Variants in OPRM1 observed in about 807,000 individuals in gnomAD.
OPRM1 encodes mu-type opioid receptor.
In OPRM1, 27 loss-of-function variants were observed where a neutral mutation model predicts 31.8. That is an observed-to-expected ratio of 0.85 (90% CI 0.63 to 1.17). The LOEUF (loss-of-function observed/expected upper bound fraction) is 1.17, where lower values mean the gene tolerates loss of function less well. OPRM1 is among the 50% of genes most tolerant of loss of function. The probability of loss-of-function intolerance (pLI) is 0.00; values close to 1 mark genes in which losing one functional copy is unlikely to be tolerated. For missense variants in OPRM1, 536 were observed against 511.1 expected, an observed-to-expected ratio of 1.05 and a Z score of -0.47; for synonymous variants, 196 against 189.9, an observed-to-expected ratio of 1.03 and a Z score of -0.26.
At chr6:154,018,629 T>C (rs989373963) in intron 1 of OPRM1, among the ~76,000 whole-genome samples, 3 of 152,068 alleles carry the variant, frequency 2.0e-5, no homozygotes, top group Non-Finnish European at 4.4e-5. Flanking sequence ...GAGAAAACAT[T>C]TGATACTCTT....
At chr6:154,234,915 C>CCTTA (rs1255460668) in intron 3 of OPRM1, among the ~76,000 whole-genome samples, 5 of 152,184 alleles carry the variant, frequency 3.3e-5, no homozygotes, top group African/African-American at 1.2e-4. Context: ...CGTGTAAAAT[C>CCTTA]CTTAGCTTCT....
intron 3 of OPRM1, among the ~76,000 whole-genome samples, chr6:154,096,741 C>T (rs1297796531): frequency 6.6e-6 from 1 of 152,036 alleles, no homozygotes; most frequent in African/African-American, 2.4e-5. Context: ...AGACAAGCAC[C>T]CAGGGCTTCG....
rs200356721 is a variant in OPRM1 at position 154,090,971 on chromosome 6, A to G, written c.663A>G (p.Leu221=). 2.0e-5 allele frequency: 33 copies of G among 1,613,702 alleles called. No individual in the cohort carries two copies. Among genetic ancestry groups the G allele is most frequent in the Non-Finnish European group, 2.5e-5 (29 of 1,179,856 alleles). Reference sequence around the variant, plus strand: ...TTCTAGGTTCCATAGATTGTACACTAACATTCTCTCATCCAACCTGGTACT... The same window carrying G: ...TTCTAGGTTCCATAGATTGTACACTGACATTCTCTCATCCAACCTGGTACT... ...KYRQGSIDCT[L]TFSHPTWYWE... is the part of the protein sequence containing the mutation. Residue 221 remains leucine, a synonymous_variant, in exon 3 of 4, where the codon CTA becomes CTG. Coordinates refer to ENST00000330432, the MANE Select transcript of OPRM1 (RefSeq NM_000914.5).
chr6:154,179,484 A>C (rs567626519), intron 3 of OPRM1, among the ~76,000 whole-genome samples: 1 of 152,328 alleles, frequency 6.6e-6, no homozygotes, highest in African/African-American at 2.4e-5. Context: ...GACGGGAGCC[A>C]AATTAATTAT....
At chr6:154,155,456 T>A (rs1364918552) in intron 3 of OPRM1, 8 of 152,192 alleles carry the variant, frequency 5.3e-5, no homozygotes, top group Admixed American at 5.2e-4. Context: ...TGGCAGCTTT[T>A]CTGTACTTAA....
At chr6:154,019,274 C>T (rs1015612059) in intron 1 of OPRM1, among the ~76,000 whole-genome samples, 10 of 149,794 alleles carry the variant, frequency 6.7e-5, no homozygotes, top group African/African-American at 2.5e-4. Flanking sequence ...CAAAATAGAG[C>T]AGAAAATGCA....
At position 154,119,550 on chromosome 6, in the gene OPRM1, C is replaced by A; in HGVS notation, c.*829C>A. The A allele has an allele frequency of 5.6e-6, 3 of 537,864 alleles. No individual in the cohort carries two copies. The highest frequency in any genetic ancestry group is 7.1e-6 in the Non-Finnish European group (3 of 421,178). 33.3% of individuals were successfully genotyped at this position (537,864 alleles called of 1,614,324 possible). The stretch of plus-strand genomic sequence containing the variant: ...TCATCACTTCATCCATGCAGGAAGT[C>A]AAGCATTAAAATGTACTCTTTATTT... On this transcript the variant is annotated 3_prime_UTR_variant, in exon 4 of 4. Coordinates refer to ENST00000330432, the MANE Select transcript of OPRM1 (RefSeq NM_000914.5).
intron 3 of OPRM1, among the ~76,000 whole-genome samples, chr6:154,211,498 G>T (rs1027673979): frequency 6.6e-6 from 1 of 151,770 alleles, no homozygotes; most frequent in African/African-American, 2.4e-5. Flanking sequence ...CTGGACACTT[G>T]AGCATGCCAT....
intron 1 of OPRM1, among the ~76,000 whole-genome samples, chr6:154,071,000 G>A (rs6923231): frequency 0.076 from 11,488 of 152,126 alleles, 495 homozygotes; most frequent in Non-Finnish European, 0.093. Flanking sequence ...GACATTGTAA[G>A]GTGCAAAATA....
chr6:154,153,143 T>A (rs1471310732), intron 3 of OPRM1, among the ~76,000 whole-genome samples: 1 of 152,156 alleles, frequency 6.6e-6, no homozygotes, highest in Non-Finnish European at 1.5e-5. Flanking sequence ...TTACGGGGTG[T>A]GAAAAAGGAC....
At chr6:154,149,183 G>T (rs1030833543) in intron 3 of OPRM1, among the ~76,000 whole-genome samples, 1 of 152,112 alleles carries the variant, frequency 6.6e-6, no homozygotes, top group Non-Finnish European at 1.5e-5. Flanking sequence ...CACGTGGCTG[G>T]GGAGGCCTCA....
At chr6:154,217,432 A>G (rs1316289089) in intron 3 of OPRM1, 2 of 142,372 alleles carry the variant, frequency 1.4e-5, no homozygotes, top group Non-Finnish European at 3.1e-5. Context: ...GGCTGCATGG[A>G]GAAAAAAAAA....
At chr6:154,165,671 G>A (rs1198303213) in intron 3 of OPRM1, among the ~76,000 whole-genome samples, 1 of 152,186 alleles carries the variant, frequency 6.6e-6, no homozygotes, top group Non-Finnish European at 1.5e-5. Flanking sequence ...TCTGCTTCCT[G>A]GTATTCAAGG....
intron 1 of OPRM1, among the ~76,000 whole-genome samples, chr6:154,081,879 T>G (rs1199247807): frequency 6.6e-6 from 1 of 152,192 alleles, no homozygotes; most frequent in Non-Finnish European, 1.5e-5. Flanking sequence ...TCCTTCACCA[T>G]CAAGCAAAGG....
chr6:154,087,566 C>A lies in OPRM1; in HGVS notation c.291-2260C>A, dbSNP rs139944762. On this transcript the variant is annotated intron_variant, in intron 1 of 3. Coordinates refer to ENST00000330432, the MANE Select transcript of OPRM1 (RefSeq NM_000914.5). ...GCTCCTCCAGCAACTACATACCATG[C>A]GTCTTCTCAGGTGTGGGTCCTGCAG... is the stretch of plus-strand genomic sequence containing the variant. 1.0e-5 allele frequency: 10 copies of A among 985,322 alleles called. No individual in the cohort carries two copies. In the African/African-American group the frequency reaches 1.7e-4, roughly 17 times the overall value. 61.0% of individuals were successfully genotyped at this position (985,322 alleles called of 1,614,324 possible).
At chr6:154,096,924 C>T (rs1197625611) in intron 3 of OPRM1, among the ~76,000 whole-genome samples, 1 of 152,154 alleles carries the variant, frequency 6.6e-6, no homozygotes, top group East Asian at 1.9e-4. Context: ...CAAGAATCTG[C>T]CTTTTAAATA....
chr6:154,090,900 T>C, intron 2 of OPRM1, 52 bp from the exon 3 acceptor site: 14 of 1,535,022 alleles, frequency 9.1e-6, no homozygotes, highest in Non-Finnish European at 1.2e-5. Flanking sequence ...TAACACCTTA[T>C]GACATAATTA....
At chr6:154,214,945 T>C (rs983157089) in intron 3 of OPRM1, among the ~76,000 whole-genome samples, 1 of 152,226 alleles carries the variant, frequency 6.6e-6, no homozygotes, top group African/African-American at 2.4e-5. Flanking sequence ...TGTAGTTCCT[T>C]CTCAAGGGTT....
intron 1 of OPRM1, among the ~76,000 whole-genome samples, chr6:154,068,680 T>A (rs943000073): frequency 1.3e-5 from 2 of 152,226 alleles, no homozygotes; most frequent in Admixed American, 1.3e-4. Context: ...AACGTAGCTA[T>A]CTCTTCAACA....
Sources: gnomAD v4.1 joint callset for allele counts (sites outside exome capture counted in the v4.1 genomes callset) on GRCh38, gnomAD v4.1.1 for gene constraint, MANE v1.5 for transcripts, NCBI Gene and HGNC (gene_info 2026-07-23, HGNC 2026-07-21) for gene names.